The following LRBA variants were observed in gnomAD, a reference collection of about 807,000 sequenced individuals.
LRBA encodes the protein lipopolysaccharide-responsive and beige-like anchor protein.
LRBA carries 176 observed loss-of-function variants against 330.0 expected under a neutral mutation model. The ratio of observed to expected loss-of-function variants is 0.53; its 90% confidence interval spans 0.47 to 0.60. LRBA has a LOEUF of 0.60. LRBA is among the 20% of genes least tolerant of loss of function. LRBA has a pLI of 0.00. For missense variants in LRBA, 3,259 were observed against 3,444.8 expected (o/e 0.95, Z 1.35); for synonymous variants, 1,230 against 1,193.0 (o/e 1.03, Z -0.64).
At chr4:150,896,263 T>C (rs1730070184) in intron 16 of LRBA, 131 bp downstream of exon 16, 1 of 544,624 alleles carries the variant, frequency 1.8e-6, no homozygotes, top group Admixed American at 4.0e-5. Flanking sequence ...TAGGGCTTAG[T>C]TCCTAAGTAG....
intron 2 of LRBA, among the ~76,000 whole-genome samples, chr4:151,000,574 G>A (rs1178703483): frequency 6.6e-6 from 1 of 152,150 alleles, no homozygotes; most frequent in African/African-American, 2.4e-5. Context: ...GTGACTAAAG[G>A]ACAGGTAGCA....
chr4:150,393,006 TAA>T (rs772108124), intron 47 of LRBA, among the ~76,000 whole-genome samples: 1 of 151,264 alleles, frequency 6.6e-6, no homozygotes, highest in Non-Finnish European at 1.5e-5. Context: ...TCCCAGAACT[TAA>T]AGTTAAAAAA....
intron 2 of LRBA, among the ~76,000 whole-genome samples, chr4:150,997,211 A>G (rs1742754396): frequency 6.6e-6 from 1 of 152,220 alleles, no homozygotes; most frequent in Non-Finnish European, 1.5e-5. Context: ...TATTTGTGCA[A>G]TATGTTATGC....
chr4:150,744,191 T>C (rs1017603770), intron 35 of LRBA, among the ~76,000 whole-genome samples: 3 of 152,198 alleles, frequency 2.0e-5, no homozygotes, highest in African/African-American at 7.2e-5. Flanking sequence ...ACAAGGGCTT[T>C]CAAGAGTACA....
chr4:150,653,760 G>A (rs77822071), intron 37 of LRBA, among the ~76,000 whole-genome samples: 20 of 152,064 alleles, frequency 1.3e-4, no homozygotes, highest in African/African-American at 4.8e-4. Flanking sequence ...ATTTTCTCTT[G>A]CTCTGAAAAA....
intron 37 of LRBA, among the ~76,000 whole-genome samples, chr4:150,604,498 A>G (rs1774436423): frequency 1.3e-5 from 2 of 152,200 alleles, no homozygotes; most frequent in African/African-American, 4.8e-5. Flanking sequence ...TAAAATACCA[A>G]TATATTTTCT....
intron 56 of LRBA, among the ~76,000 whole-genome samples, chr4:150,274,376 C>G (rs1361962241): frequency 6.6e-6 from 1 of 152,088 alleles, no homozygotes; most frequent in Non-Finnish European, 1.5e-5. Context: ...AAAATCAACA[C>G]CCTAACATCA....
At chr4:150,469,008 TA>T (rs1216788893) in intron 43 of LRBA, among the ~76,000 whole-genome samples, 2 of 151,810 alleles carry the variant, frequency 1.3e-5, no homozygotes, top group Admixed American at 6.6e-5. Flanking sequence ...ATTTCTCCAT[TA>T]AAAAAACCAA....
intron 26 of LRBA, among the ~76,000 whole-genome samples, chr4:150,846,733 T>TA (rs959627952): frequency 1.6e-4 from 25 of 152,000 alleles, no homozygotes; most frequent in Non-Finnish European, 2.2e-4. Context: ...AAATACAATT[T>TA]AAAAAAAAGA....
intron 40 of LRBA, among the ~76,000 whole-genome samples, chr4:150,559,444 C>T (rs1767767633): frequency 6.8e-6 from 1 of 148,074 alleles, no homozygotes; most frequent in African/African-American, 2.5e-5. Context: ...GCTGGTAGTC[C>T]CAGCTACTCA....
At chr4:150,604,424 A>G (rs1425016965) in intron 37 of LRBA, among the ~76,000 whole-genome samples, 1 of 151,716 alleles carries the variant, frequency 6.6e-6, no homozygotes, top group Admixed American at 6.6e-5. Context: ...AAGGAATTAT[A>G]AAGTTTAGAT....
At chr4:150,490,826 T>A in intron 41 of LRBA, 92 bp downstream of exon 41, 2 of 613,968 alleles carry the variant, frequency 3.3e-6, no homozygotes, top group South Asian at 8.0e-5. Flanking sequence ...TACAAATAAC[T>A]ATCTAAATTG....
chr4:150,940,845 C>T (rs73859295), intron 2 of LRBA, among the ~76,000 whole-genome samples: 11,487 of 151,838 alleles, frequency 0.076, 822 homozygotes, highest in African/African-American at 0.19. Context: ...CTTTTAAGTG[C>T]CTTTTTTGTT....
intron 36 of LRBA, among the ~76,000 whole-genome samples, chr4:150,732,418 A>T (rs1481064099): frequency 6.6e-6 from 1 of 152,066 alleles, no homozygotes; most frequent in Non-Finnish European, 1.5e-5. Context: ...TAACAATACA[A>T]AAGAACAGCA....
chr4:150,993,129 A>G (rs1314882589), intron 2 of LRBA, among the ~76,000 whole-genome samples: 2 of 152,192 alleles, frequency 1.3e-5, no homozygotes, highest in Non-Finnish European at 2.9e-5. Context: ...ACAAAAAAAT[A>G]AAATTTAAAG....
Position 150,929,010 on chromosome 4 carries a change from C to T in LRBA, c.272G>A (p.Ser91Asn). Reference protein sequence around the residue: ...EMNFIIQEGESINCMVDLLEK... With the variant: ...EMNFIIQEGENINCMVDLLEK... The stretch of plus-strand genomic sequence containing the variant: ...CAGTAGGTCCACCATGCAGTTAATA[C>T]TCTCACCTTCTTGGATAATGAAATT... Residue 91 changes from serine (S) to asparagine (N), a missense_variant, in exon 3 of 57, where the codon AGT (serine) becomes AAT (asparagine). Coordinates refer to ENST00000651943, the MANE Select transcript of LRBA (RefSeq NM_001364905.1). 1 of 1,613,564 alleles carries T rather than the reference C, an allele frequency of 6.2e-7. No individual in the cohort carries two copies. The highest frequency in any genetic ancestry group is 8.5e-7 in the Non-Finnish European group (1 of 1,179,924).
At chr4:150,314,312 TCAAAA>T (rs1306162436) in intron 51 of LRBA, among the ~76,000 whole-genome samples, 3 of 152,110 alleles carry the variant, frequency 2.0e-5, no homozygotes, top group African/African-American at 7.2e-5. Flanking sequence ...TCATATCTAC[TCAAAA>T]CAAAACAAGA....
chr4:150,928,863 T>G lies in LRBA; in HGVS notation c.419A>C (p.Lys140Thr). ...EVGLVEKVLGKIEKVDNMIAD... is the reference protein window; with the variant it reads ...EVGLVEKVLGTIEKVDNMIAD... ...TATCATATTGTCAACTTTTTCAATTTTCCCAAGCACTTTTTCAACAAGGCC... is the reference window on the plus strand; with the variant it reads ...TATCATATTGTCAACTTTTTCAATTGTCCCAAGCACTTTTTCAACAAGGCC... The change falls in exon 3 of 57, where the codon AAA (lysine) becomes ACA (threonine). Residue 140 changes from lysine (K) to threonine (T), a missense_variant. Physicochemically the swap from Lys to Thr is moderately conservative, Grantham distance 78. Transcript: ENST00000651943. The G allele has an allele frequency of 6.2e-7, 1 of 1,613,992 alleles. No individual in the cohort carries two copies. Among genetic ancestry groups the G allele is most frequent in the Middle Eastern group, 1.6e-4 (1 of 6,062 alleles).
intron 40 of LRBA, among the ~76,000 whole-genome samples, chr4:150,505,170 T>C (rs910773377): frequency 6.6e-6 from 1 of 152,104 alleles, no homozygotes; most frequent in Non-Finnish European, 1.5e-5. Flanking sequence ...GACAGATCAA[T>C]GAGACAGAAA....
Sources: gnomAD v4.1 joint callset for allele counts (sites outside exome capture counted in the v4.1 genomes callset) on GRCh38, gnomAD v4.1.1 for gene constraint, MANE v1.5 for transcripts, NCBI Gene and HGNC (gene_info 2026-07-23, HGNC 2026-07-21) for gene names.